Variants in TBCD observed in about 807,000 individuals in gnomAD.
TBCD encodes the protein tubulin folding cofactor D.
Under a neutral mutation model 169.3 loss-of-function variants are expected in TBCD, and 105 were observed. The observed-to-expected ratio is 0.62, with a 90% CI of 0.53 to 0.73. TBCD has a LOEUF of 0.73. TBCD is among the 30% of genes least tolerant of loss of function. The pLI is 0.00. For missense variants in TBCD, 1,444 were observed against 1,600.1 expected (o/e 0.90, Z 1.66); for synonymous variants, 700 against 643.9 (o/e 1.09, Z -1.32).
chr17:82,911,858 G>C, intron 23 of TBCD, 69 bp downstream of exon 23: 2 of 1,567,458 alleles, frequency 1.3e-6, no homozygotes, highest in East Asian at 4.5e-5. Flanking sequence ...AGGTGTGCTC[G>C]TGGCGTGCAG....
chr17:82,893,392 G>A (rs1320026455), intron 16 of TBCD, among the ~76,000 whole-genome samples, 155 bp from the exon 17 acceptor site: 3 of 152,236 alleles, frequency 2.0e-5, no homozygotes, highest in Non-Finnish European at 1.5e-5. Flanking sequence ...GGAAGTCCTC[G>A]GCGAGCCATG....
At chr17:82,818,353 A>G (rs1263263614) in intron 13 of TBCD, among the ~76,000 whole-genome samples, 1 of 152,172 alleles carries the variant, frequency 6.6e-6, no homozygotes, top group African/African-American at 2.4e-5. Flanking sequence ...AAGAGATCCC[A>G]TCTTGGGGCT....
In TBCD at chr17:82,944,428, C is replaced by T. The variant is rs1208415339; in HGVS notation, c.*1965C>T. On this transcript the variant is annotated 3_prime_UTR_variant, in exon 39 of 39. Transcript: ENST00000355528. ...TTGCTCACATGATAGCTGGGGCAGA[C>T]AATAGCAAATGAACAAGCAAGCACC... is the stretch of plus-strand genomic sequence containing the variant. The T allele has an allele frequency of 6.6e-6, 1 of 152,136 alleles. No homozygotes were observed. Among genetic ancestry groups the T allele is most frequent in the Non-Finnish European group, 1.5e-5 (1 of 68,038 alleles). The allele number at this position is 152,136 out of a possible 1,614,324, so 9.4% of individuals were successfully genotyped here.
At chr17:82,829,933 CA>C in intron 13 of TBCD, 1 of 802,842 alleles carries the variant, frequency 1.2e-6, no homozygotes, top group South Asian at 1.9e-5. Context: ...TTTTTACAAC[CA>C]AAAGTAGAAG....
At chr17:82,816,556 C>T (rs1325559705) in intron 13 of TBCD, among the ~76,000 whole-genome samples, 3 of 150,812 alleles carry the variant, frequency 2.0e-5, no homozygotes, top group Admixed American at 6.6e-5. Context: ...TTTTTTTGGA[C>T]GCGGTTTCAC....
Position 82,781,701 on chromosome 17 carries a change from G to T in TBCD, c.751G>T (p.Asp251Tyr). 6.2e-7 allele frequency: 1 copy of T among 1,613,810 alleles called. No homozygotes were observed. Among genetic ancestry groups the T allele is most frequent in the Non-Finnish European group, 8.5e-7 (1 of 1,179,858 alleles). The change falls in exon 7 of 39, where the codon GAT becomes TAT. Residue 251 changes from aspartate to tyrosine, a missense_variant. Physicochemically the swap from Asp to Tyr is radical, Grantham distance 160. Transcript: ENST00000355528. The stretch of plus-strand genomic sequence containing the variant: ...GACCATGCAGGGGGTCATCACCATG[G>T]ATGGGACGCTGCAGGCCCTGGTAAG... Reference protein sequence around the residue: ...FQTMQGVITMDGTLQALAQIF... With the variant: ...FQTMQGVITMYGTLQALAQIF...
intron 12 of TBCD, among the ~76,000 whole-genome samples, chr17:82,814,473 C>T (rs538053229): frequency 6.6e-6 from 1 of 152,316 alleles, no homozygotes; most frequent in South Asian, 2.1e-4. Context: ...CGGCTGTTGT[C>T]TTCATACTCA....
intron 15 of TBCD, among the ~76,000 whole-genome samples, chr17:82,885,117 C>T (rs1345520759): frequency 6.6e-6 from 1 of 152,158 alleles, no homozygotes; most frequent in East Asian, 1.9e-4. Flanking sequence ...TACTGTCAGA[C>T]TTGGGGGCCA....
At chr17:82,895,494 T>G (rs2059412611) in intron 17 of TBCD, among the ~76,000 whole-genome samples, 1 of 152,096 alleles carries the variant, frequency 6.6e-6, no homozygotes, top group African/African-American at 2.4e-5. Flanking sequence ...GTGTGGATTG[T>G]CCTGAGGTCA....
intron 27 of TBCD, among the ~76,000 whole-genome samples, chr17:82,925,785 G>A (rs1456758422): frequency 6.6e-6 from 1 of 152,206 alleles, no homozygotes; most frequent in Non-Finnish European, 1.5e-5. Context: ...TATGACAGAT[G>A]AGGTTGTCGG....
intron 15 of TBCD, among the ~76,000 whole-genome samples, chr17:82,885,149 C>G (rs1429728373): frequency 6.6e-6 from 1 of 152,004 alleles, no homozygotes; most frequent in African/African-American, 2.4e-5. Context: ...GGAAGGGGTG[C>G]TGGGACTGGT....
intron 13 of TBCD, among the ~76,000 whole-genome samples, chr17:82,834,797 A>C (rs1023269447): frequency 6.6e-6 from 1 of 152,218 alleles, no homozygotes; most frequent in African/African-American, 2.4e-5. Flanking sequence ...TGATCGGTTG[A>C]TGGGTACAGT....
chr17:82,921,349 C>T (rs1008102273), intron 24 of TBCD, 152 bp from the exon 25 acceptor site: 29 of 672,924 alleles, frequency 4.3e-5, no homozygotes, highest in African/African-American at 3.9e-4. Context: ...CTTAACACAA[C>T]GTGGAGAATG....
chr17:82,832,079 G>C lies in TBCD; in HGVS notation c.1318+17145G>C, dbSNP rs1037944628. The C allele has an allele frequency of 6.2e-7, 1 of 1,614,120 alleles. No individual in the cohort carries two copies. Among genetic ancestry groups the C allele is most frequent in the Admixed American group, 1.7e-5 (1 of 60,022 alleles). On this transcript the variant is annotated intron_variant, in intron 13 of 38. Transcript: ENST00000355528. This position sits in a 1 kb window ranked among gnomAD's most constrained non-coding sequence, Gnocchi z 4.9. Reference sequence around the variant, plus strand: ...CTGTGGAGGGCTGGCTTCTGTCCCAGGCACCTGTGGGTTCCCCGGGCTTGC... The same window carrying C: ...CTGTGGAGGGCTGGCTTCTGTCCCACGCACCTGTGGGTTCCCCGGGCTTGC...
intron 13 of TBCD, among the ~76,000 whole-genome samples, chr17:82,842,518 CT>C (rs1157229090): frequency 6.6e-6 from 1 of 152,158 alleles, no homozygotes; most frequent in Non-Finnish European, 1.5e-5. Context: ...GGGGTTTTGC[CT>C]GCCTCTCTCT....
At chr17:82,781,326 A>C (rs1598460541) in intron 6 of TBCD, among the ~76,000 whole-genome samples, 3 of 118,226 alleles carry the variant, frequency 2.5e-5, no homozygotes, top group Admixed American at 8.5e-5. Context: ...GCGGGGGGGG[A>C]TGGGCAGTAG....
rs546925903 is a variant in TBCD at position 82,766,835 on chromosome 17, C to T, written c.435+467C>T. On this transcript the variant is annotated intron_variant, in intron 4 of 38. Transcript: ENST00000355528. ...CTGGGGAGAACCAGGCGGGAGCTCCCGGGGTCCTCCAGTTGGGTCCCACAG... is the reference window on the plus strand; with the variant it reads ...CTGGGGAGAACCAGGCGGGAGCTCCTGGGGTCCTCCAGTTGGGTCCCACAG... Among the ~76,000 whole-genome samples the T allele has an allele frequency of 3.3e-5, 5 of 152,322 alleles. No homozygotes were observed. The South Asian group carries it at 6.2e-4, about 19-fold the overall frequency.
At chr17:82,825,920 C>T (rs957450403) in intron 13 of TBCD, among the ~76,000 whole-genome samples, 136 of 152,184 alleles carry the variant, frequency 8.9e-4, no homozygotes, top group African/African-American at 3.2e-3. Flanking sequence ...GAGCTGTGAT[C>T]GCGCCACTGC....
At chr17:82,861,267 A>G (rs2145812227) in intron 13 of TBCD, among the ~76,000 whole-genome samples, 1 of 152,248 alleles carries the variant, frequency 6.6e-6, no homozygotes, top group East Asian at 1.9e-4. Context: ...CTGGGGGCAC[A>G]CATTCATGCC....
Sources: allele counts gnomAD v4.1 joint callset (sites outside exome capture counted in the v4.1 genomes callset), GRCh38; gene constraint gnomAD v4.1.1; non-coding constraint Gnocchi (gnomAD v3.1); transcripts MANE v1.5; gene names NCBI Gene and HGNC (gene_info 2026-07-23, HGNC 2026-07-21).